Variants in USP35 observed in about 807,000 individuals in gnomAD.
The protein encoded by USP35 is ubiquitin specific peptidase 35.
Under a neutral mutation model 83.8 loss-of-function variants are expected in USP35, and 69 were observed. The ratio of observed to expected loss-of-function variants is 0.82; its 90% CI spans 0.68 to 1.01. The LOEUF is 1.01. USP35 is among the 50% of genes least tolerant of loss of function. The probability of loss-of-function intolerance (pLI) is 0.00; values close to 1 mark genes in which losing one functional copy is unlikely to be tolerated. For synonymous variants in USP35, 714 were observed against 589.5 expected, an observed-to-expected ratio of 1.21 and a Z score of -3.06; for missense variants, 1,503 against 1,362.5, an observed-to-expected ratio of 1.10 and a Z score of -1.62.
chr11:78,231,202 TGA>T, the USP35 span, among the ~76,000 whole-genome samples: 1 of 152,182 alleles, frequency 6.6e-6, no homozygotes, highest in Non-Finnish European at 1.5e-5. Context: ...AAAAGAAGTT[TGA>T]GAGAAGATAT....
At chr11:78,223,704 C>T in the USP35 span, 1 of 1,548,004 alleles carries the variant, frequency 6.5e-7, no homozygotes, top group Non-Finnish European at 8.7e-7. Flanking sequence ...GAAAGAAATA[C>T]AGCTGTTACT....
In USP35 at chr11:78,205,839, C is replaced by T; in HGVS notation, c.1198-3C>T. 6.2e-7 allele frequency: 1 copy of T among 1,609,868 alleles called. No homozygotes were observed. Among genetic ancestry groups the T allele is most frequent in the Non-Finnish European group, 8.5e-7 (1 of 1,177,026 alleles). ...CCTGCCTGCCTGCTTATTCCCTCCTCAGGACCTCCATGTTCCCAATGAGGA... is the reference window on the plus strand; with the variant it reads ...CCTGCCTGCCTGCTTATTCCCTCCTTAGGACCTCCATGTTCCCAATGAGGA... On this transcript the variant is annotated splice_region_variant and splice_polypyrimidine_tract_variant and intron_variant, in intron 6 of 10. Coordinates refer to ENST00000529308, the MANE Select transcript of USP35 (RefSeq NM_020798.4).
intron 5 of USP35, 47 bp downstream of exon 5, chr11:78,200,281 C>G (rs1355276012): frequency 1.9e-6 from 3 of 1,570,592 alleles, no homozygotes; most frequent in Non-Finnish European, 2.6e-6. Context: ...TGCCTGCTGC[C>G]CCTGGTAAGG....
At chr11:78,220,310 T>C in the USP35 span, 3 of 1,611,880 alleles carry the variant, frequency 1.9e-6, no homozygotes, top group Non-Finnish European at 2.5e-6. Flanking sequence ...CCAACTCTAC[T>C]CCAGGCACCT....
At chr11:78,222,028 C>T in the USP35 span, 3 of 949,894 alleles carry the variant, frequency 3.2e-6, no homozygotes, top group Non-Finnish European at 3.5e-6. Flanking sequence ...TGTCCCGGCC[C>T]ACAGGCCAGC....
At chr11:78,203,984 G>A (rs1229172585) in intron 6 of USP35, among the ~76,000 whole-genome samples, 5 of 133,732 alleles carry the variant, frequency 3.7e-5, no homozygotes, top group Admixed American at 7.9e-5. Flanking sequence ...TCCGCCTCCC[G>A]GGTTCACGCC....
chr11:78,207,516 G>A lies in USP35; in HGVS notation c.1392-14G>A. 1 of 1,613,708 alleles carries A rather than the reference G, an allele frequency of 6.2e-7. No individual in the cohort carries two copies. The highest frequency in any genetic ancestry group is 8.5e-7 in the Non-Finnish European group (1 of 1,179,876). On this transcript the variant is annotated splice_polypyrimidine_tract_variant and intron_variant, in intron 7 of 10. Coordinates refer to ENST00000529308, the MANE Select transcript of USP35 (RefSeq NM_020798.4). ...CCCATGGCTTACCCTGGGTGCCCCT[G>A]CTTTGTTTTGAAGCTTCAGACATTG...
At chr11:78,233,898 AC>A in the USP35 span, among the ~76,000 whole-genome samples, 1 of 152,198 alleles carries the variant, frequency 6.6e-6, no homozygotes, top group East Asian at 1.9e-4. Flanking sequence ...GGCGTGGGCC[AC>A]CACGCCCAGC....
Position 78,199,625 on chromosome 11 carries a change from G to C in USP35, c.837G>C (p.Gly279=). The C allele has an allele frequency of 6.2e-7, 1 of 1,614,210 alleles. No individual in the cohort carries two copies. The highest frequency in any genetic ancestry group is 8.5e-7 in the Non-Finnish European group (1 of 1,180,032). Residue 279 remains glycine (G), a synonymous_variant, in exon 4 of 11, where the codon GGG becomes GGC. Coordinates refer to ENST00000529308, the MANE Select transcript of USP35 (RefSeq NM_020798.4). ...TTGACTGGGTGTCCTGGCCCCTGGG[G>C]AAGAATATTGACAAGTGGATCATTG... is the stretch of plus-strand genomic sequence containing the variant. ...RMIDWVSWPL[G]KNIDKWIIAL...
chr11:78,222,433 T>G, the USP35 span, among the ~76,000 whole-genome samples: 1 of 151,782 alleles, frequency 6.6e-6, no homozygotes, highest in African/African-American at 2.4e-5. Context: ...AATTATATTT[T>G]CAGAATCAAA....
chr11:78,204,137 G>A (rs1165870936), intron 6 of USP35, among the ~76,000 whole-genome samples: 7 of 151,830 alleles, frequency 4.6e-5, no homozygotes, highest in South Asian at 4.2e-4. Flanking sequence ...TGATCCGCCC[G>A]CCTCGGCCTC....
downstream of USP35, chr11:78,215,422 C>T (rs1190330989): frequency 6.6e-6 from 1 of 152,526 alleles, no homozygotes; most frequent in Non-Finnish European, 1.5e-5. Flanking sequence ...ACACTCCTGT[C>T]CCACCCACCG....
chr11:78,221,488 C>G, the USP35 span, among the ~76,000 whole-genome samples: 2 of 152,158 alleles, frequency 1.3e-5, no homozygotes, highest in African/African-American at 4.8e-5. Context: ...GTCTTCCTTA[C>G]ATCTGATGAC....
intron 6 of USP35, among the ~76,000 whole-genome samples, chr11:78,203,384 G>T (rs755351205): frequency 2.6e-5 from 4 of 152,086 alleles, no homozygotes; most frequent in Non-Finnish European, 4.4e-5. Context: ...CAGCAGAGCA[G>T]TGCCTTGAAA....
chr11:78,226,393 G>T, the USP35 span: 8 of 1,210,876 alleles, frequency 6.6e-6, no homozygotes, highest in Non-Finnish European at 9.8e-6. Flanking sequence ...GATGACCAAG[G>T]ACCATCAAAC....
intron 10 of USP35, 62 bp downstream of exon 10, chr11:78,210,806 T>G (rs1410486594): frequency 6.8e-7 from 1 of 1,465,462 alleles, no homozygotes; most frequent in African/African-American, 1.4e-5. Context: ...GTCCCACTAC[T>G]GGCTTAGATA....
rs771360276 is a variant in USP35, at chr11:78,208,967, A to AGG, written c.1592+8_1592+9dup. 1.2e-6 allele frequency: 2 copies of AGG among 1,613,874 alleles called. No homozygotes were observed. The highest frequency in any genetic ancestry group is 2.7e-5 in the African/African-American group (2 of 75,058). ...ATCTGAAGTACCTGCTGGATCGGTA[A>AGG]GGGGGCCAGGGCTACGCGAAGACTC... is the stretch of plus-strand genomic sequence containing the variant. On this transcript the variant is annotated splice_donor_region_variant and intron_variant, in intron 9 of 10. Transcript: ENST00000529308.
the USP35 span, among the ~76,000 whole-genome samples, chr11:78,233,133 G>A: frequency 6.8e-6 from 1 of 147,478 alleles, no homozygotes; most frequent in Non-Finnish European, 1.5e-5. Flanking sequence ...TCCGCCTCCT[G>A]GGCTCAAGCC....
chr11:78,222,951 G>A, the USP35 span, among the ~76,000 whole-genome samples: 7 of 152,180 alleles, frequency 4.6e-5, no homozygotes, highest in Non-Finnish European at 8.8e-5. Context: ...TCCTGGCCAG[G>A]TCGGTGCAAG....
Sources: allele counts gnomAD v4.1 joint callset (sites outside exome capture counted in the v4.1 genomes callset), GRCh38; gene constraint gnomAD v4.1.1; transcripts MANE v1.5; gene names NCBI Gene and HGNC (gene_info 2026-07-23, HGNC 2026-07-21).